DNM3: variants seen among roughly 807,000 people sequenced by gnomAD.
The protein encoded by DNM3 is dynamin 3.
DNM3 carries 47 observed loss-of-function variants against 101.6 expected under a neutral mutation model. That is an observed-to-expected ratio of 0.46 (90% CI 0.37 to 0.59). DNM3 has a LOEUF of 0.59. Among genes scored for constraint, DNM3 ranks in the 20% least tolerant of loss-of-function variants. DNM3 has a pLI of 0.00. For missense variants in DNM3, 849 were observed against 1,085.7 expected (o/e 0.78, Z 3.06); for synonymous variants, 385 against 387.9 (o/e 0.99, Z 0.09).
intron 14 of DNM3, among the ~76,000 whole-genome samples, chr1:172,236,180 C>A (rs959938041): frequency 7.2e-5 from 11 of 152,136 alleles, no homozygotes; most frequent in African/African-American, 2.7e-4. Flanking sequence ...TCCTCCTCTA[C>A]CATGTTAGTC....
At position 172,409,845 on chromosome 1, in the gene DNM3, GT is replaced by G. The variant is rs1284568370; in HGVS notation, c.*2008del. On this transcript the variant is annotated 3_prime_UTR_variant, in exon 21 of 21. Transcript: ENST00000627582. ...GGCTTTGTGCTAAATGTGGTTTTGT[GT>G]TTTGCTGTATTTCAAAATTTTCCTT... The G allele has an allele frequency of 2.0e-6, 2 of 985,546 alleles. No individual in the cohort carries two copies. The highest frequency in any genetic ancestry group is 2.3e-4 in the East Asian group (2 of 8,828). The allele number at this position is 985,546 out of a possible 1,614,324, so 61.1% of individuals were successfully genotyped here.
At chr1:171,880,164 G>T (rs982579453) in intron 1 of DNM3, among the ~76,000 whole-genome samples, 1 of 152,202 alleles carries the variant, frequency 6.6e-6, no homozygotes, top group African/African-American at 2.4e-5. Context: ...GTTATTTCCT[G>T]TGATGGCTAG....
At chr1:172,303,850 G>C (rs2064609417) in intron 15 of DNM3, among the ~76,000 whole-genome samples, 1 of 152,062 alleles carries the variant, frequency 6.6e-6, no homozygotes, top group South Asian at 2.1e-4. Flanking sequence ...GTCACCACCA[G>C]ACCTGCCTTA....
chr1:172,365,775 T>C (rs989399477), intron 17 of DNM3, among the ~76,000 whole-genome samples: 2 of 151,874 alleles, frequency 1.3e-5, no homozygotes, highest in African/African-American at 4.8e-5. Context: ...AATCTGTGAG[T>C]TGCACATCCT....
At chr1:172,320,134 A>C (rs1489671907) in intron 16 of DNM3, among the ~76,000 whole-genome samples, 13 of 151,610 alleles carry the variant, frequency 8.6e-5, no homozygotes, top group Non-Finnish European at 1.8e-4. Flanking sequence ...TCGCAAGGAC[A>C]AAAACCGAAA....
chr1:171,991,949 T>TG (rs1383555630), intron 4 of DNM3, among the ~76,000 whole-genome samples: 1 of 152,226 alleles, frequency 6.6e-6, no homozygotes, highest in African/African-American at 2.4e-5. Flanking sequence ...CGTCCTACCT[T>TG]GGTTCAGCCT....
intron 17 of DNM3, among the ~76,000 whole-genome samples, chr1:172,369,366 A>G (rs1017979574): frequency 6.6e-6 from 1 of 152,036 alleles, no homozygotes; most frequent in African/African-American, 2.4e-5. Flanking sequence ...AGAATGAAGG[A>G]CAGAAACAAT....
intron 1 of DNM3, among the ~76,000 whole-genome samples, chr1:171,899,444 G>A (rs1017272335): frequency 1.3e-5 from 2 of 152,156 alleles, no homozygotes; most frequent in Admixed American, 6.5e-5. Flanking sequence ...ATGGTGGAAC[G>A]GTAGTAAAAT....
chr1:172,003,467 C>T (rs1212816886), intron 4 of DNM3, among the ~76,000 whole-genome samples: 3 of 151,860 alleles, frequency 2.0e-5, no homozygotes, highest in Non-Finnish European at 4.4e-5. Flanking sequence ...TGAAAAAAAG[C>T]GAAATTCTTC....
At chr1:172,154,087 T>C (rs1351757496) in intron 14 of DNM3, among the ~76,000 whole-genome samples, 1 of 152,116 alleles carries the variant, frequency 6.6e-6, no homozygotes, top group Non-Finnish European at 1.5e-5. Flanking sequence ...CATTTATATC[T>C]TATCTTTCTA....
intron 1 of DNM3, among the ~76,000 whole-genome samples, chr1:171,911,616 A>G (rs2039311977): frequency 6.6e-6 from 1 of 152,100 alleles, no homozygotes; most frequent in African/African-American, 2.4e-5. Context: ...ACAAAAGAGT[A>G]CACTATTGGC....
intron 12 of DNM3, among the ~76,000 whole-genome samples, chr1:172,083,200 A>T (rs938140598): frequency 6.6e-6 from 1 of 151,952 alleles, no homozygotes; most frequent in African/African-American, 2.4e-5. Context: ...AGGTCCAGAA[A>T]TTTTTTCCAG....
rs2040306219 is a variant in DNM3 at position 171,923,104 on chromosome 1, A to C, written c.235+1283A>C. ...GGGCCATGTAGTAACTCTCTGTTTA[A>C]TTGTTTAAGGAACTGACAGACTGTT... On this transcript the variant is annotated intron_variant, in intron 2 of 20. Transcript: ENST00000627582. 2.0e-5 allele frequency among the ~76,000 whole-genome samples: 3 copies of C among 152,204 alleles called. No individual in the cohort carries two copies. In the South Asian group the frequency reaches 6.2e-4, roughly 32 times the overall value.
Position 172,412,271 on chromosome 1 carries a change from A to AAAAT in DNM3, c.*4431_*4434dup. ...AACTTCGCTCATTATGAAATGTTTT[A>AAAAT]AAATTATGACAAAAATTACTCTGTC... On this transcript the variant is annotated 3_prime_UTR_variant, in exon 21 of 21. Coordinates refer to ENST00000627582, the MANE Select transcript of DNM3 (RefSeq NM_015569.5). The AAAAT allele has an allele frequency of 5.1e-6, 5 of 985,372 alleles. No homozygotes were observed. Among genetic ancestry groups the AAAAT allele is most frequent in the Non-Finnish European group, 6.0e-6 (5 of 829,822 alleles). 61.0% of individuals were successfully genotyped at this position (985,372 alleles called of 1,614,324 possible).
At chr1:172,131,340 A>G in intron 14 of DNM3, 52 bp downstream of exon 14, 1 of 1,475,552 alleles carries the variant, frequency 6.8e-7, no homozygotes, top group Non-Finnish European at 9.4e-7. Flanking sequence ...TCTCATTTTA[A>G]ATTAACTGAT....
Position 171,988,246 on chromosome 1 carries a change from A to G in DNM3, c.385+441A>G, listed in dbSNP as rs116303198. Among the ~76,000 whole-genome samples, 1,260 of 152,286 alleles carry G rather than the reference A, an allele frequency of 8.3e-3. 22 individuals are homozygous for G. The highest frequency in any genetic ancestry group is 0.028 in the African/African-American group (1,178 of 41,548). On this transcript the variant is annotated intron_variant, in intron 3 of 20. Transcript: ENST00000627582. ...ATCGGTAGAAACTTATAAATTAGAT[A>G]ACCAATCCATAATGTGTGATGGGAA...
At chr1:172,377,795 AT>A (rs1039401514) in intron 17 of DNM3, among the ~76,000 whole-genome samples, 1 of 151,638 alleles carries the variant, frequency 6.6e-6, no homozygotes, top group Non-Finnish European at 1.5e-5. Flanking sequence ...CATTATTTTA[AT>A]GTGTTTTTTA....
intron 1 of DNM3, among the ~76,000 whole-genome samples, chr1:171,862,401 T>C (rs2034271445): frequency 6.6e-6 from 1 of 152,182 alleles, no homozygotes; most frequent in Admixed American, 6.6e-5. Flanking sequence ...GGAGTATTAT[T>C]GAGCCATAAA....
At chr1:172,354,112 T>TGAGAGAGAGAGAGAGA (rs71563205) in intron 17 of DNM3, among the ~76,000 whole-genome samples, 2,289 of 94,858 alleles carry the variant, frequency 0.024, 63 homozygotes, top group East Asian at 0.052. Context: ...TGTGTGTGTG[T>TGAGAGAGAGAGAGAGA]GAGAGAGAGA....
Sources: gnomAD v4.1 joint callset for allele counts (sites outside exome capture counted in the v4.1 genomes callset) on GRCh38, gnomAD v4.1.1 for gene constraint, MANE v1.5 for transcripts, NCBI Gene and HGNC (gene_info 2026-07-23, HGNC 2026-07-21) for gene names.